The following AKAP13 variants were observed in gnomAD, a reference collection of about 807,000 sequenced individuals.
AKAP13 encodes the protein A-kinase anchoring protein 13.
In AKAP13, 80 loss-of-function variants were observed where a neutral mutation model predicts 264.5. That is an observed-to-expected ratio of 0.30 (90% CI 0.25 to 0.36). AKAP13 has a LOEUF of 0.36. AKAP13 is among the 10% of genes least tolerant of loss of function. AKAP13 has a pLI of 1.00. For missense variants in AKAP13, 3,712 were observed against 3,435.2 expected (o/e 1.08, Z -2.01); for synonymous variants, 1,380 against 1,250.2 (o/e 1.10, Z -2.19).
At chr15:85,473,215 C>G (rs1234028972) in intron 1 of AKAP13, among the ~76,000 whole-genome samples, 1 of 152,012 alleles carries the variant, frequency 6.6e-6, no homozygotes, top group Non-Finnish European at 1.5e-5. Flanking sequence ...AAAAGTAAAG[C>G]TACTGCTTTG....
chr15:85,393,497 A>G (rs114217685), intron 1 of AKAP13, among the ~76,000 whole-genome samples: 56 of 152,366 alleles, frequency 3.7e-4, no homozygotes, highest in African/African-American at 1.2e-3. Flanking sequence ...TGTTTAGAGC[A>G]TAGAATAGTG....
intron 5 of AKAP13, chr15:85,555,331 G>A: frequency 1.2e-6 from 1 of 855,882 alleles, no homozygotes; most frequent in Non-Finnish European, 1.7e-6. Context: ...CCTCAGAAAA[G>A]GAACTAGATG....
chr15:85,618,939 C>T (rs1174863296), intron 8 of AKAP13, among the ~76,000 whole-genome samples: 3 of 152,208 alleles, frequency 2.0e-5, no homozygotes, highest in Admixed American at 2.0e-4. Context: ...ATTTGGCTGA[C>T]ATTTTTCTCG....
intron 8 of AKAP13, among the ~76,000 whole-genome samples, chr15:85,600,480 A>C (rs929181806): frequency 1.1e-4 from 16 of 152,236 alleles, no homozygotes; most frequent in Non-Finnish European, 4.4e-5. Context: ...TTTTACTTTT[A>C]GATATACACA....
intron 1 of AKAP13, among the ~76,000 whole-genome samples, chr15:85,483,738 A>G (rs12901658): frequency 0.92 from 137,296 of 149,862 alleles, 63,080 homozygotes; most frequent in South Asian, 0.97. Context: ...TTGAACCCAG[A>G]AGGCAGAGGT....
At chr15:85,501,826 G>A (rs1380621092) in intron 2 of AKAP13, among the ~76,000 whole-genome samples, 2 of 152,186 alleles carry the variant, frequency 1.3e-5, no homozygotes, top group Non-Finnish European at 2.9e-5. Flanking sequence ...GTTTAACCCT[G>A]CATGGTGTAG....
intron 10 of AKAP13, among the ~76,000 whole-genome samples, chr15:85,650,977 C>G (rs1026688348): frequency 1.3e-5 from 2 of 151,576 alleles, no homozygotes; most frequent in Non-Finnish European, 2.9e-5. Flanking sequence ...AGTAGAGTGC[C>G]TTGTGTATCA....
chr15:85,741,481 C>A lies in AKAP13; in HGVS notation c.8044C>A (p.Arg2682=). The A allele has an allele frequency of 1.9e-6, 3 of 1,593,758 alleles. No homozygotes were observed. Among genetic ancestry groups the A allele is most frequent in the Non-Finnish European group, 2.6e-6 (3 of 1,166,030 alleles). ...GCGGCTCAGCCAGCGGCAGACAGAA[C>A]GGGACCTGTGTCAGGTAATGGGACT... is the stretch of plus-strand genomic sequence containing the variant. The part of the protein sequence containing the change: ...AERLSQRQTE[R]DLCQVSHPHT... The change falls in exon 35 of 37, where the codon CGG becomes AGG. Residue 2682 remains arginine (R), a synonymous_variant. Coordinates refer to ENST00000394518, the MANE Select transcript of AKAP13 (RefSeq NM_007200.5).
intron 1 of AKAP13, among the ~76,000 whole-genome samples, chr15:85,382,610 C>A (rs1397661644): frequency 6.6e-6 from 1 of 152,122 alleles, no homozygotes; most frequent in Non-Finnish European, 1.5e-5. Context: ...CTTCTCTGGG[C>A]GGTGATGGCA....
chr15:85,669,599 GTGCTCTCACC>G (rs1240966219), intron 13 of AKAP13, 113 bp from the exon 14 acceptor site: 4 of 631,130 alleles, frequency 6.3e-6, no homozygotes, highest in Non-Finnish European at 1.1e-5. Context: ...CACAAGGCCT[GTGCTCTCACC>G]CGCTTCTTCA....
chr15:85,574,613 T>C lies in AKAP13; in HGVS notation c.663-518T>C, dbSNP rs570339919. 4.7e-4 allele frequency among the ~76,000 whole-genome samples: 72 copies of C among 152,352 alleles called. 1 individual carries two copies. The highest frequency in any genetic ancestry group is 8.5e-4 in the Non-Finnish European group (58 of 68,034). ...AACAATATGTCATTGTAACAGTTTT[T>C]CTTTGTGTAATTGACTTCAATAATC... On this transcript the variant is annotated intron_variant, in intron 5 of 36. Coordinates refer to ENST00000394518, the MANE Select transcript of AKAP13 (RefSeq NM_007200.5).
At chr15:85,663,533 A>G (rs1476763203) in intron 12 of AKAP13, among the ~76,000 whole-genome samples, 4 of 152,196 alleles carry the variant, frequency 2.6e-5, no homozygotes, top group African/African-American at 9.7e-5. Flanking sequence ...ACTGGTAGGT[A>G]TGAACTTAAT....
At chr15:85,643,880 G>C (rs1443777598) in intron 9 of AKAP13, among the ~76,000 whole-genome samples, 2 of 152,166 alleles carry the variant, frequency 1.3e-5, no homozygotes, top group South Asian at 4.1e-4. Context: ...TTGTTTATCA[G>C]TGTTCTACTT....
chr15:85,526,986 G>A (rs1435527862), intron 3 of AKAP13, among the ~76,000 whole-genome samples: 1 of 144,940 alleles, frequency 6.9e-6, no homozygotes, highest in East Asian at 2.0e-4. Flanking sequence ...AGGGTGTCTC[G>A]CTCTGTCGCC....
intron 5 of AKAP13, among the ~76,000 whole-genome samples, chr15:85,558,014 C>T (rs755573703): frequency 6.6e-6 from 1 of 152,140 alleles, no homozygotes; most frequent in African/African-American, 2.4e-5. Context: ...TATGCTATGC[C>T]TCTTATCTCT....
chr15:85,579,579 C>T lies in AKAP13; in HGVS notation c.1511C>T (p.Thr504Ile). 6.2e-7 allele frequency: 1 copy of T among 1,614,150 alleles called. No individual in the cohort carries two copies. The highest frequency in any genetic ancestry group is 1.3e-5 in the African/African-American group (1 of 75,032). The change falls in exon 7 of 37, where the codon ACA (threonine) becomes ATA (isoleucine). Residue 504 changes from threonine to isoleucine, a missense_variant. Physicochemically the swap from Thr to Ile is moderately conservative, Grantham distance 89 (BLOSUM62 -1). Coordinates refer to ENST00000394518, the MANE Select transcript of AKAP13 (RefSeq NM_007200.5). ...WKNVLQGGESTKERFENSNIG... is the reference protein window; with the variant it reads ...WKNVLQGGESIKERFENSNIG... ...AATGTGCTTCAGGGAGGGGAAAGTA[C>T]AAAGGAAAGATTTGAGAACTCTAAT...
intron 4 of AKAP13, among the ~76,000 whole-genome samples, chr15:85,542,120 G>A (rs1409565708): frequency 2.6e-5 from 4 of 152,198 alleles, no homozygotes; most frequent in Non-Finnish European, 5.9e-5. Flanking sequence ...ACAACTGTAA[G>A]GCAAAAGTTA....
At chr15:85,657,776 T>C (rs1200099284) in intron 11 of AKAP13, among the ~76,000 whole-genome samples, 1 of 149,494 alleles carries the variant, frequency 6.7e-6, no homozygotes, top group Non-Finnish European at 1.5e-5. Flanking sequence ...GAATGATCCC[T>C]ACAGCCAGAG....
Position 85,639,392 on chromosome 15 carries a change from T to G in AKAP13, c.4180T>G (p.Cys1394Gly), listed in dbSNP as rs1454145972. 1.2e-5 allele frequency: 19 copies of G among 1,611,640 alleles called. No homozygotes were observed. Among genetic ancestry groups the G allele is most frequent in the East Asian group, 2.2e-5 (1 of 44,866 alleles). The change falls in exon 9 of 37, where the codon TGT becomes GGT. Residue 1394 changes from cysteine (C) to glycine (G), a missense_variant. Cys to Gly is a radical substitution (Grantham distance 159). Around this residue, in one of 3 missense-constraint regions of AKAP13, gnomAD observed 2,759 missense variants for 2,411.7 expected, o/e 1.14. Coordinates refer to ENST00000394518, the MANE Select transcript of AKAP13 (RefSeq NM_007200.5). Reference sequence around the variant, plus strand: ...CTTTCAGATAAACCGAGAAAACTGGTGTACAATAGAGCCATGCCCTGATGC... The same window carrying G: ...CTTTCAGATAAACCGAGAAAACTGGGGTACAATAGAGCCATGCCCTGATGC... ...MTQAINRENWCTIEPCPDAAS... is the reference protein window; with the variant it reads ...MTQAINRENWGTIEPCPDAAS...
Sources: gnomAD v4.1 joint callset for allele counts (sites outside exome capture counted in the v4.1 genomes callset) on GRCh38, gnomAD v4.1.1 for gene constraint, gnomAD v4.1.1 regional missense constraint, MANE v1.5 for transcripts, NCBI Gene and HGNC (gene_info 2026-07-23, HGNC 2026-07-21) for gene names.